ZNF532: variants seen among roughly 807,000 people sequenced by gnomAD.
The protein encoded by ZNF532 is zinc finger protein 532.
Under a neutral mutation model 89.3 loss-of-function variants are expected in ZNF532, and 22 were observed. The observed-to-expected ratio is 0.25, with a 90% confidence interval of 0.18 to 0.35. The LOEUF (loss-of-function observed/expected upper bound fraction) is 0.35. Ranked by LOEUF, ZNF532 falls within the 10% of genes least tolerant of loss-of-function variation. The pLI is 1.00. For synonymous variants in ZNF532, 606 were observed against 649.6 expected, an observed-to-expected ratio of 0.93 and a Z score of 1.02; for missense variants, 1,132 against 1,643.4, an observed-to-expected ratio of 0.69 and a Z score of 5.38.
chr18:58,982,286 A>C (rs907579867), intron 9 of ZNF532, among the ~76,000 whole-genome samples: 2 of 152,124 alleles, frequency 1.3e-5, no homozygotes, highest in African/African-American at 4.8e-5. Context: ...CCTGGGGGAC[A>C]AGAGCAGGAC....
chr18:58,961,963 G>T (rs57347990), intron 7 of ZNF532, among the ~76,000 whole-genome samples: 11,654 of 152,162 alleles, frequency 0.077, 975 homozygotes, highest in African/African-American at 0.21. Flanking sequence ...GGTGGGTCAT[G>T]CCTGTAATCC....
intron 2 of ZNF532, among the ~76,000 whole-genome samples, chr18:58,917,373 G>A (rs564595633): frequency 2.2e-4 from 33 of 152,320 alleles, no homozygotes; most frequent in African/African-American, 7.7e-4. Context: ...TGTAAGAGGA[G>A]ACAAGTACAC....
At chr18:58,949,546 C>T (rs1007078562) in intron 6 of ZNF532, among the ~76,000 whole-genome samples, 8 of 152,138 alleles carry the variant, frequency 5.3e-5, no homozygotes, top group Non-Finnish European at 1.2e-4. Context: ...CGTGGTGGTA[C>T]ATGCCTGTAA....
chr18:58,953,389 A>T, intron 6 of ZNF532, 129 bp from the exon 7 acceptor site: 1 of 772,272 alleles, frequency 1.3e-6, no homozygotes. Flanking sequence ...TTTTTTCTTT[A>T]TATATTAAAT....
intron 6 of ZNF532, among the ~76,000 whole-genome samples, chr18:58,951,830 T>C (rs1008904687): frequency 2.6e-5 from 4 of 152,066 alleles, no homozygotes; most frequent in African/African-American, 7.2e-5. Flanking sequence ...TTTGTATTTT[T>C]AGTAGAGACG....
intron 2 of ZNF532, among the ~76,000 whole-genome samples, chr18:58,895,857 CTT>C (rs145464064): frequency 4.9e-5 from 7 of 143,948 alleles, no homozygotes; most frequent in African/African-American, 7.7e-5. Flanking sequence ...TTCTTTCTTT[CTT>C]TTTTTTTTTT....
intron 2 of ZNF532, among the ~76,000 whole-genome samples, chr18:58,886,533 C>G (rs1245402879): frequency 1.3e-5 from 2 of 152,052 alleles, no homozygotes; most frequent in East Asian, 1.9e-4. Flanking sequence ...CACTGTTGAA[C>G]TGTGCATTTA....
chr18:58,953,282 G>A (rs2064403800), intron 6 of ZNF532: 1 of 369,878 alleles, frequency 2.7e-6, no homozygotes, highest in Admixed American at 4.3e-5. Flanking sequence ...ATTTTAAAAT[G>A]GTACAAATAT....
At position 58,895,685 on chromosome 18, in the gene ZNF532, A is replaced by AGAG. The variant is rs1194711649; in HGVS notation, c.-17-22584_-17-22583insGGA. 1.1e-4 allele frequency among the ~76,000 whole-genome samples: 16 copies of AGAG among 152,288 alleles called. No individual in the cohort carries two copies. The East Asian group carries it at 3.1e-3, about 29-fold the overall frequency. On this transcript the variant is annotated intron_variant, in intron 2 of 9. Coordinates refer to ENST00000591808, the MANE Select transcript of ZNF532 (RefSeq NM_001375912.1). Reference sequence around the variant, plus strand: ...ATCCCAGTGGGAGGATCTAAGTCACAGAAATGGGCAAAGGCTAAAAATCGG... The same window carrying AGAG: ...ATCCCAGTGGGAGGATCTAAGTCACAGAGGAAATGGGCAAAGGCTAAAAATCGG...
At chr18:58,879,033 A>G (rs2057669699) in intron 2 of ZNF532, among the ~76,000 whole-genome samples, 2 of 152,178 alleles carry the variant, frequency 1.3e-5, no homozygotes, top group South Asian at 4.1e-4. Flanking sequence ...CTCAAGGCCA[A>G]AAATCTCACT....
At chr18:58,943,051 T>G (rs1436863142) in intron 5 of ZNF532, among the ~76,000 whole-genome samples, 2 of 152,184 alleles carry the variant, frequency 1.3e-5, no homozygotes, top group Non-Finnish European at 2.9e-5. Flanking sequence ...TTTCTTGTTT[T>G]CCAGTGTGTG....
chr18:58,978,638 G>A (rs896186653), intron 7 of ZNF532, among the ~76,000 whole-genome samples: 1 of 152,052 alleles, frequency 6.6e-6, no homozygotes, highest in Admixed American at 6.6e-5. Flanking sequence ...TTTTTAAAAA[G>A]TTTTTTGGTT....
At chr18:58,929,048 T>TATA (rs2146333188) in intron 3 of ZNF532, among the ~76,000 whole-genome samples, 1 of 152,358 alleles carries the variant, frequency 6.6e-6, no homozygotes, top group South Asian at 2.1e-4. Flanking sequence ...CACAGAATGC[T>TATA]ATAGGTCTTT....
Position 58,981,648 on chromosome 18 carries a change from G to C in ZNF532, c.3411+31G>C, listed in dbSNP as rs779730565. ...ACATTGCAGATGTTTGCTTTACAGT[G>C]AAATTGTGTTGACTTGCTTTTCCCA... On this transcript the variant is annotated intron_variant, in intron 9 of 9. Transcript: ENST00000591808. 6.8e-6 allele frequency: 11 copies of C among 1,612,382 alleles called. No homozygotes were observed. The South Asian group carries it at 1.1e-4, about 16-fold the overall frequency.
At chr18:58,870,724 G>C (rs1188170417) in intron 2 of ZNF532, among the ~76,000 whole-genome samples, 1 of 152,154 alleles carries the variant, frequency 6.6e-6, no homozygotes, top group Admixed American at 6.5e-5. Flanking sequence ...TTGTTTGTGG[G>C]GATGGAGTGG....
At chr18:58,935,033 C>T (rs1359650245) in intron 4 of ZNF532, among the ~76,000 whole-genome samples, 2 of 151,842 alleles carry the variant, frequency 1.3e-5, no homozygotes, top group South Asian at 2.1e-4. Context: ...TTTATTTGGT[C>T]CACATTGAAA....
At chr18:58,892,000 C>T (rs1438530890) in intron 2 of ZNF532, among the ~76,000 whole-genome samples, 1 of 152,208 alleles carries the variant, frequency 6.6e-6, no homozygotes, top group East Asian at 1.9e-4. Context: ...GGCTGGTTTA[C>T]TGTGAAATCA....
chr18:58,871,958 G>A (rs1204644301), intron 2 of ZNF532, among the ~76,000 whole-genome samples: 1 of 152,204 alleles, frequency 6.6e-6, no homozygotes, highest in Non-Finnish European at 1.5e-5. Flanking sequence ...GTGCCGAGAA[G>A]AATCTTTTGT....
chr18:58,917,520 G>A (rs2060691290), intron 2 of ZNF532, among the ~76,000 whole-genome samples: 1 of 152,082 alleles, frequency 6.6e-6, no homozygotes, highest in African/African-American at 2.4e-5. Flanking sequence ...CGGGGGAAGA[G>A]CCCCTTTTAA....
Sources: gnomAD v4.1 joint callset for allele counts (sites outside exome capture counted in the v4.1 genomes callset) on GRCh38, gnomAD v4.1.1 for gene constraint, MANE v1.5 for transcripts, NCBI Gene and HGNC (gene_info 2026-07-23, HGNC 2026-07-21) for gene names.